AP3S1: variants seen among roughly 807,000 people sequenced by gnomAD.
The protein encoded by AP3S1 is adaptor related protein complex 3 subunit sigma 1.
A neutral mutation model predicts 21.3 loss-of-function variants in AP3S1; 12 were observed. The ratio of observed to expected loss-of-function variants is 0.56; its 90% CI spans 0.36 to 0.91. The LOEUF (loss-of-function observed/expected upper bound fraction) is 0.91, where lower values mean the gene tolerates loss of function less well. Ranked by LOEUF, AP3S1 falls within the 40% of genes least tolerant of loss-of-function variation. The probability of loss-of-function intolerance (pLI) is 0.01; values close to 1 mark genes in which losing one functional copy is unlikely to be tolerated. For synonymous variants in AP3S1, 48 were observed against 78.4 expected (o/e 0.61, Z 2.05); for missense variants, 116 against 225.0 (o/e 0.52, Z 3.10).
At chr5:115,858,716 G>A (rs1762959693) in intron 1 of AP3S1, among the ~76,000 whole-genome samples, 1 of 150,790 alleles carries the variant, frequency 6.6e-6, no homozygotes, top group African/African-American at 2.4e-5. Context: ...GTTTTCTACT[G>A]AATTTTTAAA....
intron 3 of AP3S1, among the ~76,000 whole-genome samples, chr5:115,891,210 C>T (rs1275024337): frequency 6.6e-6 from 1 of 152,160 alleles, no homozygotes; most frequent in South Asian, 2.1e-4. Context: ...TCACTTGTGG[C>T]TGACCTGTTG....
chr5:115,847,657 A>T (rs149029287), intron 1 of AP3S1, among the ~76,000 whole-genome samples: 9 of 152,188 alleles, frequency 5.9e-5, no homozygotes, highest in African/African-American at 2.2e-4. Flanking sequence ...TGAGGTATAG[A>T]TGACAAAAAA....
intron 4 of AP3S1, among the ~76,000 whole-genome samples, chr5:115,897,426 C>T (rs989931707): frequency 6.6e-6 from 1 of 152,122 alleles, no homozygotes; most frequent in Non-Finnish European, 1.5e-5. Context: ...TTCGCCAAGA[C>T]AATGCTAACT....
intron 3 of AP3S1, among the ~76,000 whole-genome samples, chr5:115,891,490 G>T (rs539908661): frequency 8.0e-4 from 122 of 152,276 alleles, no homozygotes; most frequent in Non-Finnish European, 1.6e-3. Context: ...TGGGATTCTT[G>T]TGACCCCCCT....
chr5:115,891,407 G>A (rs1750288787), intron 3 of AP3S1, among the ~76,000 whole-genome samples: 1 of 152,098 alleles, frequency 6.6e-6, no homozygotes, highest in Non-Finnish European at 1.5e-5. Context: ...AGTCCCACAA[G>A]GCTGCCCCCA....
chr5:115,869,904 A>G, intron 2 of AP3S1, 113 bp from the exon 3 acceptor site: 1 of 601,238 alleles, frequency 1.7e-6, no homozygotes, highest in African/African-American at 1.9e-5. Flanking sequence ...TTTGCCATTG[A>G]ATGTCACCTT....
rs187737779 is a variant in AP3S1 at position 115,907,816 on chromosome 5, T to C, written c.453+4824T>C. On this transcript the variant is annotated intron_variant, in intron 5 of 5. Transcript: ENST00000316788. ...ACCATAAATTAACTGTGTGAATTAC[T>C]TTTTTAAAAGTTCCATGTACGTGGT... 2.6e-5 allele frequency among the ~76,000 whole-genome samples: 4 copies of C among 152,296 alleles called. No homozygotes were observed. In the East Asian group the frequency reaches 7.7e-4, roughly 29 times the overall value.
chr5:115,879,770 G>C (rs1386999573), intron 3 of AP3S1, among the ~76,000 whole-genome samples: 1 of 152,168 alleles, frequency 6.6e-6, no homozygotes, highest in South Asian at 2.1e-4. Context: ...AGTAGTTTCA[G>C]AAGGAATGAT....
At position 115,900,130 on chromosome 5, in the gene AP3S1, A is replaced by G. The variant is rs73780682; in HGVS notation, c.346-2755A>G. On this transcript the variant is annotated intron_variant, in intron 4 of 5. Coordinates refer to ENST00000316788, the MANE Select transcript of AP3S1 (RefSeq NM_001284.4). ...AAAAGTGCACAGAATGAAATAATTTACTGAAGACAAAGATGGGCTTAAATA... is the reference window on the plus strand; with the variant it reads ...AAAAGTGCACAGAATGAAATAATTTGCTGAAGACAAAGATGGGCTTAAATA... 3.4e-3 allele frequency among the ~76,000 whole-genome samples: 516 copies of G among 152,328 alleles called. 7 individuals are homozygous for G. The highest frequency in any genetic ancestry group is 0.012 in the African/African-American group (488 of 41,576).
chr5:115,855,003 T>A lies in AP3S1; in HGVS notation c.70-11667T>A, dbSNP rs189326823. On this transcript the variant is annotated intron_variant, in intron 1 of 5. Transcript: ENST00000316788. ...ATGTATGCTTATATATGTGTGTGTG[T>A]GTATGTATATATTTTATATCTATCT... Among the ~76,000 whole-genome samples, 413 of 150,912 alleles carry A rather than the reference T, an allele frequency of 2.7e-3. 1 individual carries two copies. Among genetic ancestry groups the A allele is most frequent in the African/African-American group, 9.8e-3 (402 of 40,848 alleles).
At chr5:115,883,207 G>A (rs1262783791) in intron 3 of AP3S1, among the ~76,000 whole-genome samples, 1 of 152,210 alleles carries the variant, frequency 6.6e-6, no homozygotes, top group Non-Finnish European at 1.5e-5. Flanking sequence ...TTCCAGGGGA[G>A]TGAACGGTTC....
At chr5:115,901,249 C>T (rs962605340) in intron 4 of AP3S1, among the ~76,000 whole-genome samples, 2 of 152,104 alleles carry the variant, frequency 1.3e-5, no homozygotes, top group South Asian at 4.1e-4. Flanking sequence ...AGTATGTGCA[C>T]AGCAAGTTTT....
chr5:115,871,007 G>A (rs1017580079), intron 3 of AP3S1, among the ~76,000 whole-genome samples: 2 of 152,200 alleles, frequency 1.3e-5, no homozygotes, highest in African/African-American at 4.8e-5. Context: ...TGCACACACA[G>A]TGGATTAAAT....
Position 115,842,085 on chromosome 5 carries a change from C to G in AP3S1, c.48C>G (p.Leu16=). 1 of 1,580,372 alleles carries G rather than the reference C, an allele frequency of 6.3e-7. No homozygotes were observed. Among genetic ancestry groups the G allele is most frequent in the Non-Finnish European group, 8.6e-7 (1 of 1,164,888 alleles). The change falls in exon 1 of 6, where the codon CTC becomes CTG. Residue 16 remains leucine (L), a synonymous_variant. Coordinates refer to ENST00000316788, the MANE Select transcript of AP3S1 (RefSeq NM_001284.4). ...TCAACAACCACGGGAAGCCGCGGCT[C>G]TCCAAGTTCTACCAGCCCTACGTGA... ...LIFNNHGKPR[L]SKFYQPYSED...
At chr5:115,863,562 C>T (rs1338145122) in intron 1 of AP3S1, among the ~76,000 whole-genome samples, 12 of 152,016 alleles carry the variant, frequency 7.9e-5, no homozygotes, top group Non-Finnish European at 1.8e-4. Flanking sequence ...CAGAGGGAGA[C>T]TCCATCTCAA....
intron 1 of AP3S1, among the ~76,000 whole-genome samples, chr5:115,860,959 T>C (rs1763131504): frequency 6.6e-6 from 1 of 152,210 alleles, no homozygotes; most frequent in Non-Finnish European, 1.5e-5. Flanking sequence ...GTGGATCCTG[T>C]CTTCTAGATT....
chr5:115,899,105 T>A (rs3797565), intron 4 of AP3S1, among the ~76,000 whole-genome samples: 16,547 of 152,248 alleles, frequency 0.11, 1,576 homozygotes, highest in East Asian at 0.33. Context: ...CACAAGTGAT[T>A]AGGGTAGAGA....
intron 1 of AP3S1, among the ~76,000 whole-genome samples, chr5:115,865,222 ATC>A (rs1346493164): frequency 6.6e-6 from 1 of 152,064 alleles, no homozygotes; most frequent in Non-Finnish European, 1.5e-5. Context: ...CTTTTTGATG[ATC>A]TGTTTCCACT....
chr5:115,887,274 T>G (rs1749874134), intron 3 of AP3S1, among the ~76,000 whole-genome samples: 1 of 152,150 alleles, frequency 6.6e-6, no homozygotes, highest in Admixed American at 6.5e-5. Flanking sequence ...AAAAATAATT[T>G]TTTGGCTTCA....
Sources: allele counts gnomAD v4.1 joint callset (sites outside exome capture counted in the v4.1 genomes callset), GRCh38; gene constraint gnomAD v4.1.1; transcripts MANE v1.5; gene names NCBI Gene and HGNC (gene_info 2026-07-23, HGNC 2026-07-21).